Variants in WDFY4 observed in about 807,000 individuals in gnomAD.
The protein encoded by WDFY4 is WD repeat- and FYVE domain-containing protein 4.
WDFY4 carries 169 observed loss-of-function variants against 351.9 expected under a neutral mutation model. That is an observed-to-expected ratio of 0.48 (90% CI 0.42 to 0.55). The LOEUF (loss-of-function observed/expected upper bound fraction) is 0.55. WDFY4 is among the 20% of genes least tolerant of loss of function. The pLI, the probability that WDFY4 is intolerant of heterozygous loss-of-function variation, is 0.00. For missense variants in WDFY4, 3,803 were observed against 3,935.6 expected (o/e 0.97, Z 0.90); for synonymous variants, 1,622 against 1,574.6 (o/e 1.03, Z -0.71).
chr10:48,686,326 A>AAT (rs2063047467), intron 1 of WDFY4, among the ~76,000 whole-genome samples: 1 of 151,524 alleles, frequency 6.6e-6, no homozygotes, highest in African/African-American at 2.4e-5. Flanking sequence ...AAAAAAAAAA[A>AAT]AAAAAAAGAA....
rs1842590965 is a variant in WDFY4, at chr10:48,976,853, G to A, written c.9165G>A (p.Gln3055=). 1.3e-6 allele frequency: 2 copies of A among 1,533,660 alleles called. No individual in the cohort carries two copies. The highest frequency in any genetic ancestry group is 2.8e-5 in the African/African-American group (2 of 72,230). The part of the protein sequence containing the change: ...AHLSLWNVNG[Q]PLASITTAWG... ...TGTCCCTGTGGAATGTCAATGGACA[G>A]CCCCTGGCCAGCATCACCACAGCCT... is the stretch of plus-strand genomic sequence containing the variant. The change falls in exon 59 of 62, where the codon CAG becomes CAA. Residue 3055 remains glutamine (Q), a synonymous_variant. Transcript: ENST00000325239.
At chr10:48,919,946 A>G (rs937150703) in intron 47 of WDFY4, among the ~76,000 whole-genome samples, 1 of 152,206 alleles carries the variant, frequency 6.6e-6, no homozygotes, top group African/African-American at 2.4e-5. Flanking sequence ...TCACACAAAG[A>G]CATATAAGAA....
At chr10:48,690,972 C>G (rs945117424) in intron 1 of WDFY4, among the ~76,000 whole-genome samples, 2 of 152,198 alleles carry the variant, frequency 1.3e-5, no homozygotes, top group South Asian at 2.1e-4. Flanking sequence ...GGCCCTCCCC[C>G]ACTCCACCCA....
chr10:48,868,310 G>T (rs1273829523), intron 40 of WDFY4, among the ~76,000 whole-genome samples: 1 of 152,212 alleles, frequency 6.6e-6, no homozygotes, highest in African/African-American at 2.4e-5. Context: ...TTACCAGACA[G>T]GACACTTGTG....
At chr10:48,846,028 T>C (rs1232502420) in intron 39 of WDFY4, among the ~76,000 whole-genome samples, 1 of 152,178 alleles carries the variant, frequency 6.6e-6, no homozygotes, top group Non-Finnish European at 1.5e-5. Context: ...CTCTGCCCCA[T>C]CCTGCCATCA....
At chr10:48,913,859 G>C (rs1455224113) in intron 47 of WDFY4, 2 of 1,613,986 alleles carry the variant, frequency 1.2e-6, no homozygotes, top group African/African-American at 1.3e-5. Flanking sequence ...CGTTGAGGTA[G>C]AGCAGGCTGG....
In WDFY4 at chr10:48,813,943, G is replaced by T. The variant is rs768730018; in HGVS notation, c.5215-14G>T. ...AGCCGCAGGTCTGCTTACAGCTCCT[G>T]CCTCCTCTTCCAGGACAGCCTTGAT... On this transcript the variant is annotated splice_polypyrimidine_tract_variant and intron_variant, in intron 30 of 61. Transcript: ENST00000325239. The T allele has an allele frequency of 6.5e-7, 1 of 1,526,842 alleles. No individual in the cohort carries two copies. 94.6% of individuals were successfully genotyped at this position (1,526,842 alleles called of 1,614,324 possible).
At chr10:48,750,911 G>A (rs1263644277) in intron 12 of WDFY4, among the ~76,000 whole-genome samples, 2 of 152,248 alleles carry the variant, frequency 1.3e-5, no homozygotes, top group Non-Finnish European at 2.9e-5. Context: ...CCTGTGAATG[G>A]TCACTGAGTA....
rs1178784963 is a variant in WDFY4 at position 48,822,556 on chromosome 10, C to G, written c.5982+19C>G. On this transcript the variant is annotated intron_variant, in intron 35 of 61. Transcript: ENST00000325239. Reference sequence around the variant, plus strand: ...CATGGTGGTAAGAGCTGCTCACTGACCGGGTATCTGTGTGGATCTGAATGA... The same window carrying G: ...CATGGTGGTAAGAGCTGCTCACTGAGCGGGTATCTGTGTGGATCTGAATGA... The G allele has an allele frequency of 1.3e-6, 2 of 1,512,904 alleles. No homozygotes were observed. The highest frequency in any genetic ancestry group is 2.6e-5 in the South Asian group (2 of 77,676). 93.7% of individuals were successfully genotyped at this position (1,512,904 alleles called of 1,614,324 possible).
At chr10:48,896,981 G>A (rs893322071) in intron 44 of WDFY4, among the ~76,000 whole-genome samples, 37 of 152,120 alleles carry the variant, frequency 2.4e-4, no homozygotes, top group Admixed American at 4.6e-4. Flanking sequence ...CTGGCACAGC[G>A]CCAGGCTGGG....
intron 11 of WDFY4, among the ~76,000 whole-genome samples, chr10:48,742,196 T>G (rs76634569): frequency 0.033 from 4,986 of 152,270 alleles, 294 homozygotes; most frequent in African/African-American, 0.11. Flanking sequence ...CAGCTCTCAG[T>G]GATCTGGAGG....
At chr10:48,717,618 T>C (rs1032418310) in intron 2 of WDFY4, among the ~76,000 whole-genome samples, 1 of 152,240 alleles carries the variant, frequency 6.6e-6, no homozygotes, top group African/African-American at 2.4e-5. Context: ...AGGCCATCAG[T>C]AACATGCAAT....
chr10:48,770,241 T>C (rs1449592551), intron 13 of WDFY4, among the ~76,000 whole-genome samples: 2 of 152,212 alleles, frequency 1.3e-5, no homozygotes, highest in African/African-American at 4.8e-5. Flanking sequence ...TTAGACAAGA[T>C]CAGCATTTCT....
intron 12 of WDFY4, among the ~76,000 whole-genome samples, chr10:48,752,039 C>G (rs763664631): frequency 6.6e-5 from 10 of 152,194 alleles, no homozygotes; most frequent in Admixed American, 4.6e-4. Flanking sequence ...TTCTGTCGTA[C>G]CCACAGGTCC....
At chr10:48,732,920 T>C (rs1234090700) in intron 9 of WDFY4, among the ~76,000 whole-genome samples, 1 of 152,228 alleles carries the variant, frequency 6.6e-6, no homozygotes, top group African/African-American at 2.4e-5. Flanking sequence ...GCCCAAGGGA[T>C]GGTTTTTGTG....
At chr10:48,941,694 G>A (rs769479578) in intron 47 of WDFY4, 112 bp from the exon 48 acceptor site, 24 of 1,106,040 alleles carry the variant, frequency 2.2e-5, no homozygotes, top group Non-Finnish European at 2.8e-5. Flanking sequence ...TGGGAAGTCT[G>A]CAGCTTTCCT....
At chr10:48,953,333 T>TCTCTCTCTCTCTCTCTCACA (rs771339557) in intron 51 of WDFY4, among the ~76,000 whole-genome samples, 2 of 128,130 alleles carry the variant, frequency 1.6e-5, no homozygotes, top group Non-Finnish European at 3.2e-5. Context: ...TCTCTCTCTC[T>TCTCTCTCTCTCTCTCTCACA]CACACACACA....
intron 13 of WDFY4, among the ~76,000 whole-genome samples, chr10:48,764,958 G>C (rs773074881): frequency 6.6e-6 from 1 of 152,204 alleles, no homozygotes; most frequent in Non-Finnish European, 1.5e-5. Context: ...TAAAGGAAAG[G>C]GATGTTTATG....
intron 53 of WDFY4, among the ~76,000 whole-genome samples, chr10:48,962,575 GT>G (rs1442391913): frequency 6.6e-6 from 1 of 152,132 alleles, no homozygotes; most frequent in Non-Finnish European, 1.5e-5. Flanking sequence ...GCCAACCTGG[GT>G]CCCCCATTCT....
Sources: allele counts gnomAD v4.1 joint callset (sites outside exome capture counted in the v4.1 genomes callset), GRCh38; gene constraint gnomAD v4.1.1; transcripts MANE v1.5; gene names NCBI Gene and HGNC (gene_info 2026-07-23, HGNC 2026-07-21).